The following MGLL variants were observed in gnomAD, a reference collection of about 807,000 sequenced individuals.
MGLL encodes the protein monoglyceride lipase.
Under a neutral mutation model 29.1 loss-of-function variants are expected in MGLL, and 7 were observed. The observed-to-expected ratio is 0.24, with a 90% confidence interval of 0.14 to 0.45. The LOEUF (loss-of-function observed/expected upper bound fraction) is 0.45. Among genes scored for constraint, MGLL ranks in the 20% least tolerant of loss-of-function variants. MGLL has a pLI of 0.99. For synonymous variants in MGLL, 148 were observed against 168.3 expected, an observed-to-expected ratio of 0.88 and a Z score of 0.93; for missense variants, 356 against 413.6, an observed-to-expected ratio of 0.86 and a Z score of 1.21.
At chr3:127,754,880 T>C (rs538453757) in intron 3 of MGLL, among the ~76,000 whole-genome samples, 2 of 152,214 alleles carry the variant, frequency 1.3e-5, no homozygotes, top group South Asian at 4.1e-4. Context: ...TGTGCACTCA[T>C]GCCCACGTGT....
At chr3:127,696,965 G>A (rs2075379707) in intron 6 of MGLL, among the ~76,000 whole-genome samples, 1 of 152,234 alleles carries the variant, frequency 6.6e-6, no homozygotes, top group South Asian at 2.1e-4. Flanking sequence ...CACACCAAGT[G>A]GGAGAGGCTG....
chr3:127,764,238 C>T (rs1057402743), intron 3 of MGLL, among the ~76,000 whole-genome samples: 15 of 152,210 alleles, frequency 9.9e-5, no homozygotes, highest in African/African-American at 3.6e-4. Context: ...CCACAGACTC[C>T]TGGGGTTCTA....
chr3:127,715,357 T>C (rs1180098169), intron 5 of MGLL: 1 of 295,234 alleles, frequency 3.4e-6, no homozygotes. Context: ...TAAACCTGCA[T>C]AGTAAGTTCC....
At chr3:127,775,021 C>T (rs567384) in intron 3 of MGLL, among the ~76,000 whole-genome samples, 130,938 of 152,108 alleles carry the variant, frequency 0.86, 56,737 homozygotes, top group Middle Eastern at 0.95. Context: ...ATATCCGAGA[C>T]TTACATCAAA....
In MGLL at chr3:127,692,016, A is replaced by G. The variant is rs1377076944; in HGVS notation, c.*182T>C. On this transcript the variant is annotated 3_prime_UTR_variant, in exon 8 of 8. Coordinates refer to ENST00000265052, the MANE Select transcript of MGLL (RefSeq NM_007283.7). ...AGTGTCTAACCATTAAGGTAGGTCC[A>G]GTGTCTGATAGTCTAATGTATAACA... is the stretch of plus-strand genomic sequence containing the variant. The G allele has an allele frequency of 4.0e-6, 3 of 752,066 alleles. No individual in the cohort carries two copies. Among genetic ancestry groups the G allele is most frequent in the East Asian group, 5.4e-5 (2 of 36,784 alleles). 46.6% of individuals were successfully genotyped at this position (752,066 alleles called of 1,614,324 possible).
chr3:127,764,587 G>A (rs1216412254), intron 3 of MGLL, among the ~76,000 whole-genome samples: 2 of 152,182 alleles, frequency 1.3e-5, no homozygotes, highest in Non-Finnish European at 2.9e-5. Flanking sequence ...GCTGTAATGA[G>A]GTTCAAGGCA....
chr3:127,797,182 G>A (rs1305068825), intron 2 of MGLL, among the ~76,000 whole-genome samples: 4 of 151,954 alleles, frequency 2.6e-5, no homozygotes, highest in South Asian at 2.1e-4. Flanking sequence ...CATCAAAATC[G>A]TCTCTCCAGT....
intron 5 of MGLL, chr3:127,713,743 G>A (rs1302462443): frequency 6.6e-6 from 1 of 152,254 alleles, no homozygotes; most frequent in African/African-American, 2.4e-5. Context: ...AGTCATTTGT[G>A]AAGACAGACT....
At chr3:127,692,387 C>T in intron 7 of MGLL, 64 bp from the exon 8 acceptor site, 2 of 1,603,268 alleles carry the variant, frequency 1.2e-6, no homozygotes, top group South Asian at 2.2e-5. Flanking sequence ...GGAGCGGAGA[C>T]CGTGGGCAGT....
intron 3 of MGLL, among the ~76,000 whole-genome samples, chr3:127,736,619 T>C (rs901138002): frequency 1.3e-5 from 2 of 152,254 alleles, no homozygotes; most frequent in Non-Finnish European, 2.9e-5. Flanking sequence ...CCTCATTTGT[T>C]AAGCACTTGC....
intron 6 of MGLL, among the ~76,000 whole-genome samples, chr3:127,696,213 G>C (rs1458215389): frequency 6.6e-6 from 1 of 152,084 alleles, no homozygotes; most frequent in African/African-American, 2.4e-5. Context: ...TCAAGGGGCT[G>C]CTCTCTCCCC....
intron 3 of MGLL, among the ~76,000 whole-genome samples, chr3:127,726,177 A>AAAGAAAGAAAGG (rs2076035838): frequency 1.9e-4 from 8 of 42,554 alleles, no homozygotes; most frequent in Non-Finnish European, 2.7e-4. Context: ...AGAAAGAAAG[A>AAAGAAAGAAAGG]AAGAAAGAAA....
At chr3:127,798,321 C>T (rs2077419932) in intron 2 of MGLL, among the ~76,000 whole-genome samples, 1 of 152,142 alleles carries the variant, frequency 6.6e-6, no homozygotes, top group Non-Finnish European at 1.5e-5. Context: ...TCTTTGGGTG[C>T]CATAAAACAG....
chr3:127,789,112 G>A (rs2077261052), intron 2 of MGLL, among the ~76,000 whole-genome samples: 2 of 152,282 alleles, frequency 1.3e-5, no homozygotes, highest in Admixed American at 1.3e-4. Context: ...CTCAAAAGGG[G>A]TGGGGGGATG....
chr3:127,730,166 G>A (rs1019503436), intron 3 of MGLL, among the ~76,000 whole-genome samples: 3 of 152,166 alleles, frequency 2.0e-5, no homozygotes, highest in East Asian at 1.9e-4. Flanking sequence ...TTCTTTGCAT[G>A]TTATATCCCG....
chr3:127,712,891 A>T (rs2075745511), intron 5 of MGLL: 1 of 152,206 alleles, frequency 6.6e-6, no homozygotes, highest in Non-Finnish European at 1.5e-5. Context: ...ATGTCTGTGA[A>T]CTCCAAGAAT....
At position 127,722,447 on chromosome 3, in the gene MGLL, G is replaced by A. The variant is rs773791349; in HGVS notation, c.382C>T (p.Leu128Phe). ...CTGCTTACCATGGAGTGGCCCAGAA[G>A]GAAGACAGGAAGCCCAGGGTAGTCT... ...QKDYPGLPVF[L>F]LGHSMGGAIA... The change falls in exon 4 of 8, where the codon CTT becomes TTT. Residue 128 changes from leucine to phenylalanine, a missense_variant. Transcript: ENST00000265052. 25 of 1,614,124 alleles carry A rather than the reference G, an allele frequency of 1.5e-5. No homozygotes were observed. The East Asian group carries it at 4.5e-4, about 29-fold the overall frequency.
At position 127,730,294 on chromosome 3, in the gene MGLL, C is replaced by T. The variant is rs114472764; in HGVS notation, c.263-7728G>A. 6.5e-3 allele frequency among the ~76,000 whole-genome samples: 984 copies of T among 152,068 alleles called. 16 individuals carry two copies. The highest frequency in any genetic ancestry group is 0.023 in the African/African-American group (946 of 41,492). Reference sequence around the variant, plus strand: ...CTTCCGGAAGCTGCTCTGATGGTGTCGTGGTCCGACGGCCCCCACTGTTTG... The same window carrying T: ...CTTCCGGAAGCTGCTCTGATGGTGTTGTGGTCCGACGGCCCCCACTGTTTG... On this transcript the variant is annotated intron_variant, in intron 3 of 7. Coordinates refer to ENST00000265052, the MANE Select transcript of MGLL (RefSeq NM_007283.7).
At chr3:127,700,626 C>A (rs1237312790) in intron 6 of MGLL, among the ~76,000 whole-genome samples, 1 of 152,198 alleles carries the variant, frequency 6.6e-6, no homozygotes, top group African/African-American at 2.4e-5. Flanking sequence ...GATGAATAAG[C>A]AAACCATTCC....
Sources: allele counts gnomAD v4.1 joint callset (sites outside exome capture counted in the v4.1 genomes callset), GRCh38; gene constraint gnomAD v4.1.1; transcripts MANE v1.5; gene names NCBI Gene and HGNC (gene_info 2026-07-23, HGNC 2026-07-21).